The following ZFYVE16 variants were observed in gnomAD, a reference collection of about 807,000 sequenced individuals.
ZFYVE16 encodes the protein zinc finger FYVE domain-containing protein 16.
In ZFYVE16, 89 loss-of-function variants were observed where a neutral mutation model predicts 138.1. The observed-to-expected ratio is 0.64, with a 90% CI of 0.54 to 0.77. The LOEUF (loss-of-function observed/expected upper bound fraction) is 0.77, where lower values mean the gene tolerates loss of function less well. Among genes scored for constraint, ZFYVE16 ranks in the 30% least tolerant of loss-of-function variants. The pLI is 0.00. For synonymous variants in ZFYVE16, 596 were observed against 618.3 expected, an observed-to-expected ratio of 0.96 and a Z score of 0.53; for missense variants, 1,793 against 1,786.7, an observed-to-expected ratio of 1.00 and a Z score of -0.06.
rs1750478459 is a variant in ZFYVE16, at chr5:80,439,943, G to A, written c.2330G>A (p.Cys777Tyr). The change falls in exon 5 of 19, where the codon TGT becomes TAT. Residue 777 changes from cysteine to tyrosine, a missense_variant. Around this residue, in one of 2 missense-constraint regions of ZFYVE16, gnomAD observed 1,295 missense variants for 1,204.3 expected, o/e 1.08. Coordinates refer to ENST00000505560, the MANE Select transcript of ZFYVE16 (RefSeq NM_001284236.3). ...ATATTTTATTCTTTATAGGTATTTT[G>A]TGGTGTCTGTTGTAATAGGAAGTGT... ...HHCRACGKVF[C>Y]GVCCNRKCKL... is the part of the protein sequence containing the mutation. The A allele has an allele frequency of 1.2e-6, 2 of 1,606,674 alleles. No individual in the cohort carries two copies. Among genetic ancestry groups the A allele is most frequent in the Non-Finnish European group, 1.7e-6 (2 of 1,176,374 alleles).
chr5:80,431,431 A>T (rs1749005581), intron 2 of ZFYVE16, among the ~76,000 whole-genome samples: 1 of 152,238 alleles, frequency 6.6e-6, no homozygotes, highest in Non-Finnish European at 1.5e-5. Flanking sequence ...TATTGATGAG[A>T]CGTATCTCAA....
At chr5:80,464,703 T>G (rs173599) in intron 15 of ZFYVE16, among the ~76,000 whole-genome samples, 1 of 152,018 alleles carries the variant, frequency 6.6e-6, no homozygotes, top group Non-Finnish European at 1.5e-5. Context: ...TGGTTACTCT[T>G]GTAAAGTTTT....
rs369109701 is a variant in ZFYVE16 at position 80,470,064 on chromosome 5, CGTGTGTGTGT to C, written c.4025-2670_4025-2661del. ...ATATATGTGTGTGTGTGTATATATA[CGTGTGTGTGT>C]GTGTGTGTGTGTGTGTGTGTGTGTG... On this transcript the variant is annotated intron_variant, in intron 15 of 18. Coordinates refer to ENST00000505560, the MANE Select transcript of ZFYVE16 (RefSeq NM_001284236.3). 5.0e-4 allele frequency among the ~76,000 whole-genome samples: 30 copies of C among 59,496 alleles called. 1 individual carries two copies. Among genetic ancestry groups the C allele is most frequent in the Non-Finnish European group, 9.9e-4 (25 of 25,378 alleles). 39.0% of individuals were successfully genotyped at this position (59,496 alleles called of 152,430 possible).
chr5:80,411,405 A>AT lies in ZFYVE16; in HGVS notation c.-94+3259dup, dbSNP rs1745440452. 2.0e-5 allele frequency among the ~76,000 whole-genome samples: 3 copies of AT among 151,928 alleles called. 1 individual carries two copies. The highest frequency in any genetic ancestry group is 2.0e-4 in the Admixed American group (3 of 15,252). On this transcript the variant is annotated intron_variant, in intron 1 of 18. Transcript: ENST00000505560. ...ACATCATTAATGTTTGTTCCTTCAT[A>AT]TTTTTTTACTATGCATTTGTTAATT...
chr5:80,441,189 T>C, intron 5 of ZFYVE16: 2 of 985,368 alleles, frequency 2.0e-6, no homozygotes, highest in Non-Finnish European at 2.4e-6. Context: ...TATAATTATC[T>C]CCCCCACTTA....
chr5:80,427,856 C>T (rs1181496450), intron 2 of ZFYVE16, among the ~76,000 whole-genome samples: 1 of 148,936 alleles, frequency 6.7e-6, no homozygotes, highest in Non-Finnish European at 1.5e-5. Flanking sequence ...CCTGTAGTCC[C>T]AGCTACTCAG....
At chr5:80,445,194 A>G in intron 6 of ZFYVE16, 69 bp from the exon 7 acceptor site, 1 of 1,547,112 alleles carries the variant, frequency 6.5e-7, no homozygotes, top group Non-Finnish European at 8.8e-7. Flanking sequence ...AACATTTCAC[A>G]ATCTTTTTGG....
At chr5:80,428,836 A>G (rs990979043) in intron 2 of ZFYVE16, among the ~76,000 whole-genome samples, 6 of 152,362 alleles carry the variant, frequency 3.9e-5, no homozygotes, top group Non-Finnish European at 8.8e-5. Flanking sequence ...CGATTCGATC[A>G]ACTGGAAGAA....
intron 7 of ZFYVE16, among the ~76,000 whole-genome samples, chr5:80,447,375 G>A (rs1465465428): frequency 6.6e-6 from 1 of 151,566 alleles, no homozygotes; most frequent in Non-Finnish European, 1.5e-5. Flanking sequence ...TCATGAGCTA[G>A]ACTTTACAAA....
chr5:80,408,965 A>G (rs1745040777), intron 1 of ZFYVE16, among the ~76,000 whole-genome samples: 1 of 95,036 alleles, frequency 1.1e-5, no homozygotes, highest in African/African-American at 3.2e-5. Flanking sequence ...AGAACTATAT[A>G]TAATTTTTCG....
At chr5:80,423,274 T>G (rs188102550) in intron 1 of ZFYVE16, among the ~76,000 whole-genome samples, 1 of 152,276 alleles carries the variant, frequency 6.6e-6, no homozygotes, top group East Asian at 1.9e-4. Context: ...TTTGAGGAAT[T>G]GGTTCATTTC....
chr5:80,416,358 C>T (rs1432659950), intron 1 of ZFYVE16, among the ~76,000 whole-genome samples: 5 of 145,606 alleles, frequency 3.4e-5, no homozygotes, highest in East Asian at 2.1e-4. Flanking sequence ...TGGGTTCAAG[C>T]GATTCTCCTG....
At chr5:80,451,910 C>T (rs1043343309) in intron 11 of ZFYVE16, 29 of 500,240 alleles carry the variant, frequency 5.8e-5, no homozygotes, top group Non-Finnish European at 7.6e-5. Flanking sequence ...TCTAGATGTT[C>T]ATAAGTTCTT....
intron 3 of ZFYVE16, 25 bp downstream of exon 3, chr5:80,434,242 G>T: frequency 6.2e-7 from 1 of 1,608,606 alleles, no homozygotes; most frequent in Non-Finnish European, 8.5e-7. Context: ...CATTTTTGCC[G>T]CTAATGGGAT....
intron 6 of ZFYVE16, among the ~76,000 whole-genome samples, chr5:80,444,369 A>G (rs751196049): frequency 1.3e-5 from 2 of 152,078 alleles, no homozygotes; most frequent in African/African-American, 2.4e-5. Context: ...GTCTACCTAC[A>G]TTGCAAAAAA....
chr5:80,409,961 T>TA (rs1344969719), intron 1 of ZFYVE16: 2 of 152,234 alleles, frequency 1.3e-5, no homozygotes, highest in Non-Finnish European at 2.9e-5. Context: ...TGCTAGGTCA[T>TA]AGAGTTTTGC....
intron 2 of ZFYVE16, among the ~76,000 whole-genome samples, chr5:80,431,875 A>T (rs1441718835): frequency 6.6e-6 from 1 of 152,214 alleles, no homozygotes; most frequent in Non-Finnish European, 1.5e-5. Context: ...TCCAACTTAC[A>T]AGGGAGGTGA....
intron 3 of ZFYVE16, among the ~76,000 whole-genome samples, chr5:80,435,128 A>C (rs76403412): frequency 7.9e-5 from 12 of 152,002 alleles, no homozygotes; most frequent in African/African-American, 2.7e-4. Context: ...TCTGCCTCCC[A>C]GGTTCAAGCG....
chr5:80,464,317 A>G (rs910918225), intron 15 of ZFYVE16, among the ~76,000 whole-genome samples: 1 of 152,184 alleles, frequency 6.6e-6, no homozygotes, highest in African/African-American at 2.4e-5. Context: ...CAAGCAAAGC[A>G]CCTTCTTCAC....
Sources: allele counts gnomAD v4.1 joint callset (sites outside exome capture counted in the v4.1 genomes callset), GRCh38; gene constraint gnomAD v4.1.1; regional missense constraint gnomAD v4.1.1; transcripts MANE v1.5; gene names NCBI Gene and HGNC (gene_info 2026-07-23, HGNC 2026-07-21).